The following KHDRBS2 variants were observed in gnomAD, a reference collection of about 807,000 sequenced individuals.
KHDRBS2 encodes KH domain-containing, RNA-binding, signal transduction-associated protein 2.
A neutral mutation model predicts 44.3 loss-of-function variants in KHDRBS2; 26 were observed. The observed-to-expected ratio is 0.59, with a 90% CI of 0.43 to 0.81. The LOEUF (loss-of-function observed/expected upper bound fraction) is 0.81. Among genes scored for constraint, KHDRBS2 ranks in the 40% least tolerant of loss-of-function variants. KHDRBS2 has a pLI of 0.00. For synonymous variants in KHDRBS2, 194 were observed against 151.1 expected, an observed-to-expected ratio of 1.28 and a Z score of -2.08; for missense variants, 476 against 433.1, an observed-to-expected ratio of 1.10 and a Z score of -0.88.
rs1167863832 is a variant in KHDRBS2 at position 61,848,579 on chromosome 6, A to G, written c.810+46056T>C. Among the ~76,000 whole-genome samples the G allele has an allele frequency of 2.4e-4, 25 of 105,040 alleles. 1 individual carries two copies. The highest frequency in any genetic ancestry group is 3.4e-4 in the African/African-American group (9 of 26,796). 68.9% of individuals were successfully genotyped at this position (105,040 alleles called of 152,430 possible). A position where few individuals can be genotyped will look rare whatever the true frequency, so the allele number is the denominator to read the frequency against. On this transcript the variant is annotated intron_variant, in intron 6 of 8. Coordinates refer to ENST00000281156, the MANE Select transcript of KHDRBS2 (RefSeq NM_152688.4). ...TATATATATGTATATATATATACATATATATATATATATACTTTTTTTTAA... is the reference window on the plus strand; with the variant it reads ...TATATATATGTATATATATATACATGTATATATATATATACTTTTTTTTAA...
Position 62,286,163 on chromosome 6 carries a change from C to G in KHDRBS2, c.-215G>C, listed in dbSNP as rs1207000925. ...CACACCTGCCCGTCCCTTCCGTCGTCCCTCGCTCGCGCAGAGCCCCGGCTC... is the reference window on the plus strand; with the variant it reads ...CACACCTGCCCGTCCCTTCCGTCGTGCCTCGCTCGCGCAGAGCCCCGGCTC... On this transcript the variant is annotated 5_prime_UTR_variant, in exon 1 of 9. Transcript: ENST00000281156. 1.8e-6 allele frequency: 1 copy of G among 550,542 alleles called. No individual in the cohort carries two copies. The highest frequency in any genetic ancestry group is 3.2e-6 in the Non-Finnish European group (1 of 315,914). The allele number at this position is 550,542 out of a possible 1,614,324, so 34.1% of individuals were successfully genotyped here.
chr6:61,699,059 C>T (rs1367288021), intron 7 of KHDRBS2, among the ~76,000 whole-genome samples: 1 of 152,058 alleles, frequency 6.6e-6, no homozygotes, highest in Non-Finnish European at 1.5e-5. Flanking sequence ...AGAATATAAA[C>T]TTCTTGTTAT....
At chr6:61,545,062 C>T in the KHDRBS2 span, among the ~76,000 whole-genome samples, 5 of 151,934 alleles carry the variant, frequency 3.3e-5, no homozygotes, top group African/African-American at 4.8e-5. Flanking sequence ...CACATGTACC[C>T]TAAAACTTCA....
chr6:62,250,670 C>A (rs1585422264), intron 1 of KHDRBS2, among the ~76,000 whole-genome samples: 1 of 151,710 alleles, frequency 6.6e-6, no homozygotes, highest in East Asian at 1.9e-4. Flanking sequence ...TTAGTAAAGA[C>A]TAGACAAGAT....
At chr6:62,266,174 C>A in intron 1 of KHDRBS2, among the ~76,000 whole-genome samples, 1 of 152,030 alleles carries the variant, frequency 6.6e-6, no homozygotes, top group East Asian at 1.9e-4. Flanking sequence ...ATTACACAGC[C>A]AAAAGGGATT....
intron 3 of KHDRBS2, among the ~76,000 whole-genome samples, chr6:62,007,440 T>C (rs1779464477): frequency 6.6e-6 from 1 of 152,006 alleles, no homozygotes; most frequent in Non-Finnish European, 1.5e-5. Context: ...GCTTTAACTG[T>C]TTTTTATAAA....
intron 3 of KHDRBS2, among the ~76,000 whole-genome samples, chr6:62,005,918 G>A (rs929843380): frequency 1.3e-5 from 2 of 151,874 alleles, no homozygotes; most frequent in African/African-American, 2.4e-5. Flanking sequence ...TACTAACATT[G>A]ACGAAATTAT....
the KHDRBS2 span, among the ~76,000 whole-genome samples, chr6:61,556,152 C>T: frequency 2.6e-5 from 4 of 152,266 alleles, no homozygotes; most frequent in South Asian, 8.3e-4. Context: ...GGTCCATGCG[C>T]ATTCACTCCT....
chr6:61,664,939 C>G, the KHDRBS2 span, among the ~76,000 whole-genome samples: 1 of 151,508 alleles, frequency 6.6e-6, no homozygotes, highest in Non-Finnish European at 1.5e-5. Flanking sequence ...TAACTTACTT[C>G]TAATTTTTAA....
At position 61,786,621 on chromosome 6, in the gene KHDRBS2, C is replaced by G. The variant is rs1582838763; in HGVS notation, c.811-53857G>C. Among the ~76,000 whole-genome samples, 4 of 151,804 alleles carry G rather than the reference C, an allele frequency of 2.6e-5. No homozygotes were observed. In the South Asian group the frequency reaches 8.3e-4, roughly 31 times the overall value. ...CTGAGTAATCTTGAGGTGGGTCTTGCAAGCAAGGGAATTAGGTGGGATCAG... is the reference window on the plus strand; with the variant it reads ...CTGAGTAATCTTGAGGTGGGTCTTGGAAGCAAGGGAATTAGGTGGGATCAG... On this transcript the variant is annotated intron_variant, in intron 6 of 8. Transcript: ENST00000281156.
At chr6:61,543,763 T>A in the KHDRBS2 span, among the ~76,000 whole-genome samples, 1 of 152,114 alleles carries the variant, frequency 6.6e-6, no homozygotes, top group Non-Finnish European at 1.5e-5. Context: ...GGAGTACTAT[T>A]CAGCTATAAG....
chr6:61,964,665 T>G (rs1769506481), intron 4 of KHDRBS2, among the ~76,000 whole-genome samples: 1 of 152,122 alleles, frequency 6.6e-6, no homozygotes, highest in South Asian at 2.1e-4. Context: ...TTAGCTAATG[T>G]GATTTACAGA....
intron 2 of KHDRBS2, among the ~76,000 whole-genome samples, chr6:62,132,078 AT>A (rs1047813940): frequency 6.6e-6 from 1 of 152,102 alleles, no homozygotes; most frequent in African/African-American, 2.4e-5. Flanking sequence ...TTTAATAGTA[AT>A]TTTTTCACAT....
At chr6:62,134,494 T>C (rs1177939115) in intron 2 of KHDRBS2, among the ~76,000 whole-genome samples, 1 of 152,106 alleles carries the variant, frequency 6.6e-6, no homozygotes, top group African/African-American at 2.4e-5. Context: ...AAATGTGGTG[T>C]TGAGGTCCCC....
chr6:62,286,100 C>A lies in KHDRBS2; in HGVS notation c.-152G>T, dbSNP rs1727106159. The A allele has an allele frequency of 1.7e-6, 1 of 590,966 alleles. No individual in the cohort carries two copies. Among genetic ancestry groups the A allele is most frequent in the Non-Finnish European group, 3.0e-6 (1 of 336,882 alleles). The allele number at this position is 590,966 out of a possible 1,614,324, so 36.6% of individuals were successfully genotyped here. A position where few individuals can be genotyped will look rare whatever the true frequency, so the allele number is the denominator to read the frequency against. ...TCCTCACTGGCCCATGCACCCAGCACCTGCGACTCCCGCCGTCGGGCTGCG... is the reference window on the plus strand; with the variant it reads ...TCCTCACTGGCCCATGCACCCAGCAACTGCGACTCCCGCCGTCGGGCTGCG... On this transcript the variant is annotated 5_prime_UTR_variant, in exon 1 of 9. Transcript: ENST00000281156.
At chr6:62,152,176 G>A (rs573244810) in intron 2 of KHDRBS2, among the ~76,000 whole-genome samples, 2 of 151,928 alleles carry the variant, frequency 1.3e-5, no homozygotes, top group African/African-American at 2.4e-5. Context: ...AAAATTAGCC[G>A]GGTGTGGTGG....
chr6:62,097,483 G>C (rs372416062), intron 2 of KHDRBS2, among the ~76,000 whole-genome samples: 1 of 151,866 alleles, frequency 6.6e-6, no homozygotes, highest in South Asian at 2.1e-4. Flanking sequence ...TTTGTAGAAT[G>C]ACCTTGTCTC....
chr6:61,873,163 A>C (rs1798907513), intron 6 of KHDRBS2, among the ~76,000 whole-genome samples: 1 of 152,190 alleles, frequency 6.6e-6, no homozygotes, highest in Admixed American at 6.5e-5. Context: ...GAAAACTTAA[A>C]TATTCTACCA....
At chr6:62,086,605 C>T (rs1798429380) in intron 2 of KHDRBS2, among the ~76,000 whole-genome samples, 1 of 152,084 alleles carries the variant, frequency 6.6e-6, no homozygotes, top group Non-Finnish European at 1.5e-5. Flanking sequence ...CCTTGAACCA[C>T]ACAACATAAA....
Sources: allele counts gnomAD v4.1 joint callset (sites outside exome capture counted in the v4.1 genomes callset), GRCh38; gene constraint gnomAD v4.1.1; transcripts MANE v1.5; gene names NCBI Gene and HGNC (gene_info 2026-07-23, HGNC 2026-07-21).